ABCC8: variants seen among roughly 807,000 people sequenced by gnomAD.
ABCC8 encodes ATP binding cassette subfamily C member 8, also known as ATP-binding cassette sub-family C member 8.
In ABCC8, 137 loss-of-function variants were observed where a neutral mutation model predicts 188.0. The ratio of observed to expected loss-of-function variants is 0.73; its 90% CI spans 0.63 to 0.84. The LOEUF (loss-of-function observed/expected upper bound fraction) is 0.84. ABCC8 is among the 40% of genes least tolerant of loss of function. The pLI, the probability that ABCC8 is intolerant of heterozygous loss-of-function variation, is 0.00. For missense variants in ABCC8, 1,750 were observed against 2,072.7 expected, an observed-to-expected ratio of 0.84 and a Z score of 3.02; for synonymous variants, 797 against 846.5, an observed-to-expected ratio of 0.94 and a Z score of 1.01.
intron 16 of ABCC8, among the ~76,000 whole-genome samples, chr11:17,423,040 G>T (rs925909892): frequency 6.6e-6 from 1 of 151,852 alleles, no homozygotes; most frequent in African/African-American, 2.4e-5. Context: ...CTCTTCTAAG[G>T]CCCAGGTCTT....
intron 21 of ABCC8, 135 bp downstream of exon 21, chr11:17,412,531 A>G (rs1438181093): frequency 5.5e-6 from 7 of 1,278,826 alleles, no homozygotes; most frequent in Non-Finnish European, 7.7e-6. Flanking sequence ...ATGATAAGGC[A>G]ATATCTCTGG....
chr11:17,407,583 GCAGA>G (rs1322901556), intron 23 of ABCC8, 130 bp from the exon 24 acceptor site: 66 of 1,460,166 alleles, frequency 4.5e-5, no homozygotes, highest in Non-Finnish European at 5.8e-5. Flanking sequence ...TGAGGGAGGG[GCAGA>G]CAGACACACA....
At chr11:17,431,282 C>T (rs767761520) in intron 11 of ABCC8, among the ~76,000 whole-genome samples, 10 of 152,186 alleles carry the variant, frequency 6.6e-5, no homozygotes, top group Non-Finnish European at 1.3e-4. Flanking sequence ...AGACAGCAGG[C>T]GGGGTGCTCA....
At chr11:17,473,922 T>C (rs1848618553) in intron 2 of ABCC8, among the ~76,000 whole-genome samples, 1 of 152,062 alleles carries the variant, frequency 6.6e-6, no homozygotes, top group Non-Finnish European at 1.5e-5. Context: ...CCAACCTGGG[T>C]TCCCAGCCTC....
intron 5 of ABCC8, 142 bp from the exon 6 acceptor site, chr11:17,460,818 A>AGATCATGGAAT (rs2133676029): frequency 6.7e-7 from 1 of 1,496,554 alleles, no homozygotes; most frequent in East Asian, 2.5e-5. Context: ...CTCCAGGAAG[A>AGATCATGGAAT]GATCATGGAA....
intron 7 of ABCC8, among the ~76,000 whole-genome samples, chr11:17,450,267 TTTC>T (rs1956722529): frequency 2.0e-5 from 2 of 102,522 alleles, no homozygotes; most frequent in African/African-American, 4.0e-5. Flanking sequence ...TTTCTCTTTC[TTTC>T]TTTCTTTCTT....
At chr11:17,393,885 C>T (rs553587824) in intron 37 of ABCC8, 126 bp from the exon 38 acceptor site, 5 of 1,587,968 alleles carry the variant, frequency 3.1e-6, no homozygotes, top group East Asian at 2.3e-5. Flanking sequence ...GTCCCACCCC[C>T]ACCCCACAGG....
chr11:17,472,241 C>T (rs182908608), intron 2 of ABCC8, among the ~76,000 whole-genome samples: 279 of 152,288 alleles, frequency 1.8e-3, no homozygotes, highest in African/African-American at 6.2e-3. Flanking sequence ...AAATAATACA[C>T]ATTCAATTAG....
intron 21 of ABCC8, among the ~76,000 whole-genome samples, chr11:17,410,904 G>A (rs188868713): frequency 1.3e-5 from 2 of 152,176 alleles, no homozygotes; most frequent in African/African-American, 4.8e-5. Flanking sequence ...ACCTTCAACG[G>A]CTCCCCATCA....
chr11:17,403,021 G>A (rs1267461522), intron 28 of ABCC8, among the ~76,000 whole-genome samples: 6 of 152,240 alleles, frequency 3.9e-5, no homozygotes, highest in Non-Finnish European at 8.8e-5. Flanking sequence ...ACCCCAGGTC[G>A]CCATCTGTCC....
At chr11:17,455,470 C>T (rs1257355949) in intron 6 of ABCC8, among the ~76,000 whole-genome samples, 3 of 152,264 alleles carry the variant, frequency 2.0e-5, no homozygotes, top group South Asian at 2.1e-4. Flanking sequence ...TTCCTCTCTC[C>T]GCCCCCAACA....
rs561269917 is a variant in ABCC8, at chr11:17,414,499, G to A, written c.2390+13C>T. On this transcript the variant is annotated intron_variant, in intron 19 of 38. Transcript: ENST00000389817. ...TCCCCTCCACATCCTGCCTCCCTCC[G>A]ACAGGCTTTTACCGTTGTTTGTTGA... 2.5e-5 allele frequency: 40 copies of A among 1,613,926 alleles called. No individual in the cohort carries two copies. Among genetic ancestry groups the A allele is most frequent in the South Asian group, 3.3e-5 (3 of 91,062 alleles).
intron 17 of ABCC8, among the ~76,000 whole-genome samples, chr11:17,416,658 A>G (rs1019204991): frequency 2.0e-5 from 3 of 152,068 alleles, no homozygotes; most frequent in Non-Finnish European, 4.4e-5. Flanking sequence ...TTCTGACTCC[A>G]TTCACCATGA....
At position 17,416,959 on chromosome 11, in the gene ABCC8, A is replaced by G. The variant is rs757507467; in HGVS notation, c.2226T>C (p.Leu742=). Residue 742 remains leucine (L), a synonymous_variant, in exon 17 of 39, where the codon CTT becomes CTC. Coordinates refer to ENST00000389817, the MANE Select transcript of ABCC8 (RefSeq NM_000352.6). ...GGTCCTCTCCTATCTCGCTGTCAGG[A>G]AGGCTGCTGGGACACAAATGGGACA... is the stretch of plus-strand genomic sequence containing the variant. The part of the protein sequence containing the change: ...KVSGAVFWSS[L]PDSEIGEDPS... 1.9e-6 allele frequency: 3 copies of G among 1,613,116 alleles called. No homozygotes were observed. The highest frequency in any genetic ancestry group is 2.5e-6 in the Non-Finnish European group (3 of 1,179,934).
Position 17,404,373 on chromosome 11 carries a change from CTA to C in ABCC8, c.3557+137_3557+138del. The C allele has an allele frequency of 1.1e-6, 1 of 898,092 alleles. No individual in the cohort carries two copies. 55.6% of individuals were successfully genotyped at this position (898,092 alleles called of 1,614,324 possible). A position where few individuals can be genotyped will look rare whatever the true frequency, so the allele number is the denominator to read the frequency against. ...GCGGTGGAATAAGATGTGGATATTT[CTA>C]TTTCCTTCATTTCTGTTTTTTGTTT... On this transcript the variant is annotated intron_variant, in intron 28 of 38. Transcript: ENST00000389817. The surrounding 1 kb of genome is among the most constrained non-coding windows in gnomAD (Gnocchi z 4.7).
intron 8 of ABCC8, among the ~76,000 whole-genome samples, chr11:17,446,710 G>A (rs1359335385): frequency 6.6e-6 from 1 of 152,142 alleles, no homozygotes; most frequent in African/African-American, 2.4e-5. Flanking sequence ...TGGGTAGGTG[G>A]TAATGGGGGA....
chr11:17,408,285 AG>A, intron 23 of ABCC8, 106 bp downstream of exon 23: 1 of 1,114,546 alleles, frequency 9.0e-7, no homozygotes, highest in Non-Finnish European at 1.3e-6. Flanking sequence ...TCTGCCCTTT[AG>A]GGGGCTTCCT....
chr11:17,442,581 G>A (rs1164533520), intron 10 of ABCC8, 139 bp downstream of exon 10: 1 of 857,254 alleles, frequency 1.2e-6, no homozygotes, highest in South Asian at 1.4e-5. Context: ...ATCAGAGCCA[G>A]TTTGAGGCTC....
At chr11:17,402,042 G>A (rs1954270249) in intron 29 of ABCC8, among the ~76,000 whole-genome samples, 1 of 152,244 alleles carries the variant, frequency 6.6e-6, no homozygotes, top group South Asian at 2.1e-4. Flanking sequence ...AGTCTGGGCT[G>A]TAAACGCCTG....
Sources: allele counts gnomAD v4.1 joint callset (sites outside exome capture counted in the v4.1 genomes callset), GRCh38; gene constraint gnomAD v4.1.1; non-coding constraint Gnocchi (gnomAD v3.1); transcripts MANE v1.5; gene names NCBI Gene and HGNC (gene_info 2026-07-23, HGNC 2026-07-21).